The following PCDHGA6 variants were observed in gnomAD, a reference collection of about 807,000 sequenced individuals.
PCDHGA6 encodes the protein protocadherin gamma-A6.
Under a neutral mutation model 60.6 loss-of-function variants are expected in PCDHGA6, and 41 were observed. The ratio of observed to expected loss-of-function variants is 0.68; its 90% CI spans 0.53 to 0.88. The LOEUF is 0.88. Ranked by LOEUF, PCDHGA6 falls within the 40% of genes least tolerant of loss-of-function variation. The pLI, the probability that PCDHGA6 is intolerant of heterozygous loss-of-function variation, is 0.00. For synonymous variants in PCDHGA6, 594 were observed against 524.4 expected (o/e 1.13, Z -1.81); for missense variants, 1,312 against 1,203.0 (o/e 1.09, Z -1.34).
At chr5:141,427,826 G>A (rs550161736) in intron 1 of PCDHGA6, 2 of 1,536,500 alleles carry the variant, frequency 1.3e-6, no homozygotes, top group Admixed American at 3.3e-5. Flanking sequence ...TGGTGGTCGC[G>A]CAGCGTGCCT....
chr5:141,445,034 A>T (rs963629240), intron 1 of PCDHGA6, among the ~76,000 whole-genome samples: 4 of 152,156 alleles, frequency 2.6e-5, no homozygotes, highest in Admixed American at 2.0e-4. Context: ...GCTATGTTGT[A>T]TAGTTTTCAG....
chr5:141,443,974 G>A (rs775899117), intron 1 of PCDHGA6, among the ~76,000 whole-genome samples: 5 of 152,066 alleles, frequency 3.3e-5, no homozygotes, highest in Non-Finnish European at 7.4e-5. Context: ...GTCCATCTAA[G>A]CTATGTTAAT....
intron 3 of PCDHGA6, among the ~76,000 whole-genome samples, 193 bp downstream of exon 3, chr5:141,505,674 G>C (rs1482125302): frequency 6.6e-6 from 1 of 152,192 alleles, no homozygotes; most frequent in East Asian, 1.9e-4. Context: ...GGGGTTGGGG[G>C]TCCTGGGATG....
chr5:141,446,639 G>T (rs1461520959), intron 1 of PCDHGA6, among the ~76,000 whole-genome samples: 7 of 152,116 alleles, frequency 4.6e-5, no homozygotes, highest in Non-Finnish European at 8.8e-5. Flanking sequence ...ACCACGCCTG[G>T]CTAATTTTTG....
At chr5:141,397,843 C>A (rs1200465582) in intron 1 of PCDHGA6, 7 of 522,606 alleles carry the variant, frequency 1.3e-5, no homozygotes, top group Non-Finnish European at 2.0e-5. Context: ...CTTGAAGCCG[C>A]AGAGGCTGTA....
rs2099745754 is a variant in PCDHGA6 at position 141,493,023 on chromosome 5, T to A, written c.2425-1784T>A. Among the ~76,000 whole-genome samples the A allele has an allele frequency of 6.6e-6, 1 of 152,190 alleles. No individual in the cohort carries two copies. The highest frequency in any genetic ancestry group is 2.4e-5 in the African/African-American group (1 of 41,450). On this transcript the variant is annotated intron_variant, in intron 1 of 3. Coordinates refer to ENST00000517434, the MANE Select transcript of PCDHGA6 (RefSeq NM_018919.3). The surrounding 1 kb of genome is among the most constrained non-coding windows in gnomAD (Gnocchi z 4.3). ...CTATAGGCTCTGCCAGATGCCAGGGTGCCCTTATGTGTGAGGAAACTACAA... is the reference window on the plus strand; with the variant it reads ...CTATAGGCTCTGCCAGATGCCAGGGAGCCCTTATGTGTGAGGAAACTACAA...
intron 1 of PCDHGA6, chr5:141,428,374 C>G: frequency 1.9e-6 from 1 of 530,640 alleles, no homozygotes; most frequent in South Asian, 1.9e-5. Context: ...CTTGCACCTG[C>G]GATGCTCTTC....
At chr5:141,383,657 A>G in intron 1 of PCDHGA6, 2 of 1,614,058 alleles carry the variant, frequency 1.2e-6, no homozygotes, top group Non-Finnish European at 1.7e-6. Context: ...ACTGTCCCCG[A>G]GAATGTGCCA....
chr5:141,376,633 G>T, intron 1 of PCDHGA6, 126 bp downstream of exon 1: 15 of 913,104 alleles, frequency 1.6e-5, no homozygotes, highest in East Asian at 3.6e-5. Flanking sequence ...GAAGATTCGT[G>T]ATTTTGTAAA....
At chr5:141,399,675 T>C (rs753709757) in intron 1 of PCDHGA6, 3 of 1,613,618 alleles carry the variant, frequency 1.9e-6, no homozygotes, top group South Asian at 2.2e-5. Context: ...AGCGCGCCTT[T>C]GACTACGAGC....
intron 1 of PCDHGA6, chr5:141,423,883 A>T (rs1211746978): frequency 1.6e-6 from 2 of 1,283,342 alleles, no homozygotes; most frequent in Admixed American, 7.5e-5. Context: ...CAATCTTGGC[A>T]TATTTTCTTT....
intron 1 of PCDHGA6, chr5:141,423,241 G>C: frequency 6.2e-7 from 1 of 1,613,954 alleles, no homozygotes; most frequent in Non-Finnish European, 8.5e-7. Context: ...CATCCCCGAA[G>C]TCCTGGCGGA....
chr5:141,400,150 C>T (rs1375670164), intron 1 of PCDHGA6: 3 of 1,613,952 alleles, frequency 1.9e-6, no homozygotes, highest in Non-Finnish European at 2.5e-6. Flanking sequence ...CACTGACCGC[C>T]CTGTACCCTC....
intron 1 of PCDHGA6, among the ~76,000 whole-genome samples, chr5:141,407,609 TG>T (rs2094960291): frequency 1.3e-5 from 2 of 152,162 alleles, no homozygotes; most frequent in Admixed American, 1.3e-4. Flanking sequence ...AAAGAAGCAT[TG>T]GTTGACATTC....
intron 3 of PCDHGA6, among the ~76,000 whole-genome samples, chr5:141,510,230 G>A (rs1285202719): frequency 2.7e-5 from 4 of 149,638 alleles, no homozygotes; most frequent in Non-Finnish European, 5.9e-5. Context: ...CCGGGATCGC[G>A]CCACTGCACT....
chr5:141,403,544 C>A (rs1300060255), intron 1 of PCDHGA6: 2 of 1,613,970 alleles, frequency 1.2e-6, no homozygotes, highest in South Asian at 1.1e-5. Flanking sequence ...GGTGCTGGAG[C>A]GCGCCCTGGA....
At chr5:141,381,475 GA>G (rs1777221405) in intron 1 of PCDHGA6, among the ~76,000 whole-genome samples, 1 of 152,226 alleles carries the variant, frequency 6.6e-6, no homozygotes, top group African/African-American at 2.4e-5. Context: ...GCTGTCTAGA[GA>G]TCCCTGTTTT....
At chr5:141,427,934 G>A (rs746648152) in intron 1 of PCDHGA6, 42 of 1,584,338 alleles carry the variant, frequency 2.7e-5, no homozygotes, top group Non-Finnish European at 3.6e-5. Context: ...GCATGTTGGT[G>A]GGCGACCTCA....
Position 141,375,368 on chromosome 5 carries a change from A to C in PCDHGA6, c.1285A>C (p.Thr429Pro). 2 of 1,613,872 alleles carry C rather than the reference A, an allele frequency of 1.2e-6. No individual in the cohort carries two copies. Among genetic ancestry groups the C allele is most frequent in the Non-Finnish European group, 1.7e-6 (2 of 1,179,950 alleles). The change falls in exon 1 of 4, where the codon ACA (threonine) becomes CCA (proline). Residue 429 changes from threonine to proline, a missense_variant. By Grantham distance (38) the Thr-to-Pro change is conservative (BLOSUM62 -1). Transcript: ENST00000517434. The part of the protein sequence containing the change: ...NITVTATDKG[T>P]PPLSTETIIS... ...CACTGTGACAGCCACGGACAAAGGA[A>C]CACCACCTCTGTCTACAGAAACAAT...
Sources: gnomAD v4.1 joint callset for allele counts (sites outside exome capture counted in the v4.1 genomes callset) on GRCh38, gnomAD v4.1.1 for gene constraint, Gnocchi (gnomAD v3.1) non-coding constraint, MANE v1.5 for transcripts, NCBI Gene and HGNC (gene_info 2026-07-23, HGNC 2026-07-21) for gene names.